The following ROS1 variants were observed in gnomAD, a reference collection of about 807,000 sequenced individuals.
ROS1 encodes the protein proto-oncogene tyrosine-protein kinase ROS.
A neutral mutation model predicts 273.5 loss-of-function variants in ROS1; 263 were observed. The observed-to-expected ratio is 0.96, with a 90% CI of 0.87 to 1.06. The LOEUF is 1.06. Among genes scored for constraint, ROS1 ranks in the 50% least tolerant of loss-of-function variants. The pLI, the probability that ROS1 is intolerant of heterozygous loss-of-function variation, is 0.00. For synonymous variants in ROS1, 1,008 were observed against 954.1 expected, an observed-to-expected ratio of 1.06 and a Z score of -1.04; for missense variants, 2,833 against 2,751.1, an observed-to-expected ratio of 1.03 and a Z score of -0.67.
rs2128547925 is a variant in ROS1 at position 117,310,086 on chromosome 6, A to T, written c.6411T>A (p.Asp2137Glu). The stretch of plus-strand genomic sequence containing the variant: ...CTGTGTCCCGTTAAACTTACCATAC[A>T]TCAGATTGAGTAGTGAAGATTCCAT... ...LMDGIFTTQS[D>E]VWSFGILIWE... The change falls in exon 41 of 44, where the codon GAT becomes GAA. Residue 2137 changes from aspartate (D) to glutamate (E), a missense_variant. Asp to Glu is a conservative substitution (Grantham distance 45). Transcript: ENST00000368507. The T allele has an allele frequency of 6.2e-7, 1 of 1,612,658 alleles. No homozygotes were observed. Among genetic ancestry groups the T allele is most frequent in the Admixed American group, 1.7e-5 (1 of 59,934 alleles).
chr6:117,387,144 G>T, intron 14 of ROS1, 145 bp from the exon 15 acceptor site: 2 of 496,462 alleles, frequency 4.0e-6, no homozygotes, highest in Non-Finnish European at 7.2e-6. Context: ...TTCTATAAAA[G>T]GATATGAGTA....
intron 3 of ROS1, 77 bp downstream of exon 3, chr6:117,416,181 C>A: frequency 1.1e-6 from 1 of 898,892 alleles, no homozygotes; most frequent in Non-Finnish European, 1.8e-6. Context: ...AATGGAAATG[C>A]AAATGGGAAT....
chr6:117,366,465 T>A (rs1202842965), intron 18 of ROS1, among the ~76,000 whole-genome samples, 175 bp from the exon 19 acceptor site: 3 of 152,158 alleles, frequency 2.0e-5, no homozygotes, highest in African/African-American at 7.2e-5. Context: ...TAAGTTGGGT[T>A]TTTATTTTAC....
At position 117,321,282 on chromosome 6, in the gene ROS1, C is replaced by T. The variant is rs1294026226; in HGVS notation, c.5736G>A (p.Leu1912=). The T allele has an allele frequency of 9.3e-6, 15 of 1,613,684 alleles. No individual in the cohort carries two copies. The highest frequency in any genetic ancestry group is 1.3e-5 in the Non-Finnish European group (15 of 1,179,864). Residue 1912 remains leucine (L), a synonymous_variant, in exon 36 of 44, where the codon CTG becomes CTA. Coordinates refer to ENST00000368507, the MANE Select transcript of ROS1 (RefSeq NM_001378902.1). ...ACTGTATTGCATAGCAGGCATTAGCCAGGCCTACTCCGGCTGCCAGACCTC... is the reference window on the plus strand; with the variant it reads ...ACTGTATTGCATAGCAGGCATTAGCTAGGCCTACTCCGGCTGCCAGACCTC... ...ELRGLAAGVG[L]ANACYAIHTL... is the part of the protein sequence containing the mutation.
At chr6:117,344,345 A>G in intron 27 of ROS1, 83 bp from the exon 28 acceptor site, 2 of 904,466 alleles carry the variant, frequency 2.2e-6, no homozygotes, top group Non-Finnish European at 3.3e-6. Flanking sequence ...GAATAATATC[A>G]AAGCTTAGAA....
chr6:117,311,160 G>A (rs2128550214), intron 39 of ROS1, 43 bp from the exon 40 acceptor site: 1 of 1,152,036 alleles, frequency 8.7e-7, no homozygotes. Context: ...TATCTAGTTT[G>A]CATGAAATAT....
chr6:117,319,374 C>T (rs1776128418), intron 37 of ROS1, among the ~76,000 whole-genome samples: 1 of 152,030 alleles, frequency 6.6e-6, no homozygotes, highest in African/African-American at 2.4e-5. Context: ...TATTTCATGA[C>T]ATATGAAAAT....
chr6:117,330,990 G>A (rs911425849), intron 32 of ROS1, among the ~76,000 whole-genome samples: 9 of 152,216 alleles, frequency 5.9e-5, no homozygotes, highest in Non-Finnish European at 1.0e-4. Context: ...CGGAGGATCA[G>A]ATGGATGAAC....
chr6:117,344,233 T>C lies in ROS1; in HGVS notation c.4333A>G (p.Thr1445Ala), dbSNP rs1192560596. The C allele has an allele frequency of 1.9e-6, 3 of 1,613,942 alleles. No individual in the cohort carries two copies. The highest frequency in any genetic ancestry group is 8.5e-7 in the Non-Finnish European group (1 of 1,179,880). ...GCATTAAGTATAGTTGGTTCCACAGTGTCTGAAGCTAGAGACAGAAACGCT... is the reference window on the plus strand; with the variant it reads ...GCATTAAGTATAGTTGGTTCCACAGCGTCTGAAGCTAGAGACAGAAACGCT... Reference protein sequence around the residue: ...DKAFLSLASDTVEPTILNATN... With the variant: ...DKAFLSLASDAVEPTILNATN... The change falls in exon 28 of 44, where the codon ACT becomes GCT. Residue 1445 changes from threonine (T) to alanine (A), a missense_variant. Physicochemically the swap from Thr to Ala is moderately conservative, Grantham distance 58. Coordinates refer to ENST00000368507, the MANE Select transcript of ROS1 (RefSeq NM_001378902.1).
intron 26 of ROS1, 69 bp downstream of exon 26, chr6:117,356,560 C>T: frequency 7.3e-7 from 1 of 1,378,202 alleles, no homozygotes; most frequent in South Asian, 1.3e-5. Context: ...GAATGCAAGC[C>T]CTTTGTAAAT....
At chr6:117,379,661 A>G (rs1771952497) in intron 17 of ROS1, among the ~76,000 whole-genome samples, 1 of 152,108 alleles carries the variant, frequency 6.6e-6, no homozygotes, top group African/African-American at 2.4e-5. Context: ...TTTTTTAAAA[A>G]TCTCAATTCC....
rs920417730 is a variant in ROS1, at chr6:117,387,138, A to AT, written c.2000-140dup. 1.3e-4 allele frequency: 64 copies of AT among 504,562 alleles called. No individual in the cohort carries two copies. The East Asian group carries it at 1.8e-3, about 15-fold the overall frequency. The allele number at this position is 504,562 out of a possible 1,614,324, so 31.3% of individuals were successfully genotyped here. A position where few individuals can be genotyped will look rare whatever the true frequency, so the allele number is the denominator to read the frequency against. Reference sequence around the variant, plus strand: ...GAATGTCAACACTTTGAAAAGTTCTATAAAAGGATATGAGTAATTGTTATC... The same window carrying AT: ...GAATGTCAACACTTTGAAAAGTTCTATTAAAAGGATATGAGTAATTGTTATC... On this transcript the variant is annotated intron_variant, in intron 14 of 43. Coordinates refer to ENST00000368507, the MANE Select transcript of ROS1 (RefSeq NM_001378902.1).
intron 18 of ROS1, among the ~76,000 whole-genome samples, chr6:117,368,817 C>A (rs1238022363): frequency 6.6e-6 from 1 of 151,814 alleles, no homozygotes; most frequent in African/African-American, 2.4e-5. Context: ...GCAAATTAAG[C>A]TATGCTATAA....
chr6:117,289,526 A>G (rs148187834), intron 43 of ROS1, among the ~76,000 whole-genome samples: 3 of 152,304 alleles, frequency 2.0e-5, no homozygotes, highest in African/African-American at 7.2e-5. Flanking sequence ...TAAGTTTAAC[A>G]CCTGAACTAC....
chr6:117,334,784 G>A (rs1777343053), intron 32 of ROS1, among the ~76,000 whole-genome samples: 1 of 152,126 alleles, frequency 6.6e-6, no homozygotes, highest in East Asian at 1.9e-4. Flanking sequence ...AAACTGGCTA[G>A]CCATATGCAG....
chr6:117,342,852 A>G (rs1029589100), intron 28 of ROS1, among the ~76,000 whole-genome samples: 1 of 152,176 alleles, frequency 6.6e-6, no homozygotes, highest in African/African-American at 2.4e-5. Flanking sequence ...ATTCAGCAAG[A>G]TGGTAGAAAA....
intron 41 of ROS1, among the ~76,000 whole-genome samples, chr6:117,309,570 T>A (rs1160754306): frequency 2.0e-5 from 3 of 152,144 alleles, no homozygotes; most frequent in Admixed American, 2.0e-4. Flanking sequence ...TAAAAGTCAT[T>A]GAACAAACTT....
rs778999533 is a variant in ROS1 at position 117,385,707 on chromosome 6, G to A, written c.2265C>T (p.Leu755=). 4 of 1,613,850 alleles carry A rather than the reference G, an allele frequency of 2.5e-6. No individual in the cohort carries two copies. Among genetic ancestry groups the A allele is most frequent in the African/African-American group, 1.3e-5 (1 of 74,834 alleles). ...ALAFEWLGHF[L]YWAGKTYVIQ... is the part of the protein sequence containing the mutation. ...CCACATATGTCTTTCCAGCCCAGTA[G>A]AGAAAGTGACCCAGCCACTCAAAAG... Residue 755 remains leucine, a synonymous_variant, in exon 16 of 44, where the codon CTC becomes CTT. Coordinates refer to ENST00000368507, the MANE Select transcript of ROS1 (RefSeq NM_001378902.1).
At position 117,361,422 on chromosome 6, in the gene ROS1, C is replaced by CAT. The variant is rs34059535; in HGVS notation, c.3367-1019_3367-1018dup. ...ACTATCTGTATGATTTATAATGGTG[C>CAT]ATATATATATATATAGTAGTGTTTA... On this transcript the variant is annotated intron_variant, in intron 22 of 43. Transcript: ENST00000368507. Among the ~76,000 whole-genome samples, 87 of 146,794 alleles carry CAT rather than the reference C, an allele frequency of 5.9e-4. 1 individual carries two copies. The highest frequency in any genetic ancestry group is 8.1e-4 in the Non-Finnish European group (54 of 66,610).
Sources: allele counts gnomAD v4.1 joint callset (sites outside exome capture counted in the v4.1 genomes callset), GRCh38; gene constraint gnomAD v4.1.1; transcripts MANE v1.5; gene names NCBI Gene and HGNC (gene_info 2026-07-23, HGNC 2026-07-21).